The following HERC2 variants were observed in gnomAD, a reference collection of about 807,000 sequenced individuals.
The protein encoded by HERC2 is HECT and RLD domain containing E3 ubiquitin protein ligase 2, also known as E3 ubiquitin-protein ligase HERC2.
In HERC2, 102 loss-of-function variants were observed where a neutral mutation model predicts 537.7. That is an observed-to-expected ratio of 0.19 (90% CI 0.16 to 0.22). The LOEUF is 0.22. HERC2 is among the 10% of genes least tolerant of loss of function. The probability of loss-of-function intolerance (pLI) is 1.00; values close to 1 mark genes in which losing one functional copy is unlikely to be tolerated. For synonymous variants in HERC2, 2,224 were observed against 2,466.2 expected (o/e 0.90, Z 2.91); for missense variants, 4,236 against 6,198.2 (o/e 0.68, Z 10.63).
chr15:28,150,832 T>C (rs1013186848), intron 70 of HERC2, among the ~76,000 whole-genome samples: 1 of 151,990 alleles, frequency 6.6e-6, no homozygotes, highest in Non-Finnish European at 1.5e-5. Context: ...TTATCATACT[T>C]TCACAGAGGA....
chr15:28,310,903 C>T (rs1321100463), intron 2 of HERC2, among the ~76,000 whole-genome samples: 1 of 151,556 alleles, frequency 6.6e-6, no homozygotes, highest in African/African-American at 2.4e-5. Flanking sequence ...CAGCGAAACC[C>T]CATCTCTACT....
intron 44 of HERC2, among the ~76,000 whole-genome samples, chr15:28,206,969 C>G (rs574752833): frequency 1.3e-5 from 2 of 151,268 alleles, no homozygotes; most frequent in African/African-American, 2.4e-5. Context: ...CAATATCACA[C>G]CACCATACTC....
In HERC2 at chr15:28,118,492, T is replaced by C. The variant is rs1052181931; in HGVS notation, c.13273-1338A>G. 7.9e-5 allele frequency: 12 copies of C among 152,264 alleles called. No homozygotes were observed. The South Asian group carries it at 2.3e-3, about 29-fold the overall frequency. The allele number at this position is 152,264 out of a possible 1,614,324, so 9.4% of individuals were successfully genotyped here. On this transcript the variant is annotated intron_variant, in intron 86 of 92. Coordinates refer to ENST00000261609, the MANE Select transcript of HERC2 (RefSeq NM_004667.6). ...TTCAGAAATGTGCATGCAATAACTCTGTAATAAATTTTTAAGTATAAAAAA... is the reference window on the plus strand; with the variant it reads ...TTCAGAAATGTGCATGCAATAACTCCGTAATAAATTTTTAAGTATAAAAAA...
Position 28,160,081 on chromosome 15 carries a change from C to T in HERC2, c.10746+3013G>A, listed in dbSNP as rs137897453. 9.2e-3 allele frequency among the ~76,000 whole-genome samples: 1,401 copies of T among 152,296 alleles called. 9 individuals are homozygous for T. The highest frequency in any genetic ancestry group is 0.026 in the Admixed American group (394 of 15,292). On this transcript the variant is annotated intron_variant, in intron 69 of 92. Transcript: ENST00000261609. ...TGAACAGCAAATGTTGCTGTCTGAT[C>T]GTTCCTCTGGAAGTTTTGTCTCAGA...
chr15:28,276,336 G>A (rs139334721), intron 5 of HERC2, among the ~76,000 whole-genome samples: 173 of 152,142 alleles, frequency 1.1e-3, no homozygotes, highest in African/African-American at 3.7e-3. Context: ...ATAATGCACC[G>A]GGAGCTCAGA....
At chr15:28,292,230 C>CAA (rs34513876) in intron 4 of HERC2, among the ~76,000 whole-genome samples, 62 of 67,420 alleles carry the variant, frequency 9.2e-4, no homozygotes, top group African/African-American at 2.7e-3. Flanking sequence ...ACTCCATCTC[C>CAA]AAAAAAAAAA....
At chr15:28,290,734 G>A (rs1400623400) in intron 4 of HERC2, among the ~76,000 whole-genome samples, 1 of 152,118 alleles carries the variant, frequency 6.6e-6, no homozygotes, top group Non-Finnish European at 1.5e-5. Flanking sequence ...GAAATTAAAA[G>A]GGAAATTAGA....
Position 28,142,243 on chromosome 15 carries a change from C to G in HERC2, c.11695G>C (p.Asp3899His), listed in dbSNP as rs773927246. 4 of 1,613,874 alleles carry G rather than the reference C, an allele frequency of 2.5e-6. No individual in the cohort carries two copies. The highest frequency in any genetic ancestry group is 3.4e-6 in the Non-Finnish European group (4 of 1,179,944). The stretch of plus-strand genomic sequence containing the variant: ...TCCAAAATATCATGCAATACCTCAT[C>G]AAGAAACAGACGGGGCAACGGTGTT... ...KRTPLPRLFL[D>H]EVAKKIRELM... The change falls in exon 76 of 93, where the codon GAT (aspartate) becomes CAT (histidine). Residue 3899 changes from aspartate to histidine, a missense_variant. Asp to His is a moderately conservative substitution (Grantham distance 81). Transcript: ENST00000261609.
intron 4 of HERC2, among the ~76,000 whole-genome samples, chr15:28,285,752 G>C (rs2076139437): frequency 7.1e-6 from 1 of 141,764 alleles, no homozygotes; most frequent in Non-Finnish European, 1.5e-5. Context: ...GCAAAAAGCT[G>C]GTTCTTTGAT....
At chr15:28,205,150 A>T (rs1180552043) in intron 45 of HERC2, among the ~76,000 whole-genome samples, 1 of 152,048 alleles carries the variant, frequency 6.6e-6, no homozygotes, top group Non-Finnish European at 1.5e-5. Flanking sequence ...AAAAGAAGAG[A>T]ACAACAACTC....
In HERC2 at chr15:28,121,410, A is replaced by C; in HGVS notation, c.13208T>G (p.Val4403Gly). 1 of 1,614,172 alleles carries C rather than the reference A, an allele frequency of 6.2e-7. No homozygotes were observed. Residue 4403 changes from valine to glycine, a missense_variant, in exon 86 of 93, where the codon GTA (valine) becomes GGA (glycine). Val to Gly is a moderately radical substitution (Grantham distance 109, BLOSUM62 -3). Around this residue, in one of 27 missense-constraint regions of HERC2, gnomAD observed 189 missense variants for 255.7 expected, o/e 0.74. Transcript: ENST00000261609. ...SQGKEAAFRK[V>G]VQATMVRDRQ... ...ATCGCGTACCATAGTTGCTTGTACT[A>C]CTTTCCGGAAAGCCGCCTCCTAAAA...
In HERC2 at chr15:28,152,831, C is replaced by CT; in HGVS notation, c.10747-2dup. The stretch of plus-strand genomic sequence containing the variant: ...AGAGCTCCAACAGCATATCTGCCAC[C>CT]TGGAGAGGAAGCAAGGACATGAATG... On this transcript the variant is annotated splice_acceptor_variant, in intron 69 of 92. Transcript: ENST00000261609. LOFTEE classifies it high-confidence loss of function. The CT allele has an allele frequency of 6.4e-7, 1 of 1,561,940 alleles. No individual in the cohort carries two copies. Among genetic ancestry groups the CT allele is most frequent in the Non-Finnish European group, 8.7e-7 (1 of 1,152,458 alleles).
chr15:28,213,653 A>C, intron 42 of HERC2, 89 bp downstream of exon 42: 1 of 1,592,638 alleles, frequency 6.3e-7, no homozygotes, highest in Non-Finnish European at 8.6e-7. Context: ...TACCAGAATC[A>C]AGTTCTTTCA....
chr15:28,206,563 G>T (rs553832091), intron 44 of HERC2, among the ~76,000 whole-genome samples, 181 bp from the exon 45 acceptor site: 1 of 151,626 alleles, frequency 6.6e-6, no homozygotes, highest in African/African-American at 2.4e-5. Context: ...GTTGGGTGCG[G>T]TGGCTCACGC....
At chr15:28,130,390 G>C in intron 82 of HERC2, 88 bp from the exon 83 acceptor site, 2 of 1,598,464 alleles carry the variant, frequency 1.3e-6, no homozygotes, top group African/African-American at 2.7e-5. Context: ...CTGCTGTTCA[G>C]GACACAACCA....
At chr15:28,215,128 C>A (rs2140454473) in intron 39 of HERC2, among the ~76,000 whole-genome samples, 2 of 152,192 alleles carry the variant, frequency 1.3e-5, no homozygotes, top group African/African-American at 4.8e-5. Context: ...CCACCTGCCT[C>A]GGCCTCCCAA....
In HERC2 at chr15:28,182,409, C is replaced by T. The variant is rs778893516; in HGVS notation, c.8929G>A (p.Gly2977Ser). Residue 2977 changes from glycine to serine, a missense_variant, in exon 57 of 93, where the codon GGC becomes AGC. Coordinates refer to ENST00000261609, the MANE Select transcript of HERC2 (RefSeq NM_004667.6). ...NDKDQLGGLK[G>S]SKIKVPSFSE... Reference sequence around the variant, plus strand: ...CAGGGAGCAGGCCGTACCTTGGAGCCTTTCAGCCCGCCCAGCTGGTCCTTG... The same window carrying T: ...CAGGGAGCAGGCCGTACCTTGGAGCTTTTCAGCCCGCCCAGCTGGTCCTTG... 1 of 1,613,222 alleles carries T rather than the reference C, an allele frequency of 6.2e-7. No homozygotes were observed. The highest frequency in any genetic ancestry group is 8.5e-7 in the Non-Finnish European group (1 of 1,179,552).
At chr15:28,281,576 G>A (rs375724472) in intron 4 of HERC2, among the ~76,000 whole-genome samples, 10 of 152,196 alleles carry the variant, frequency 6.6e-5, no homozygotes, top group Admixed American at 5.2e-4. Context: ...GGCCTTAGAA[G>A]GCAGTAGAGA....
In HERC2 at chr15:28,274,380, C is replaced by G; in HGVS notation, c.711G>C (p.Glu237Asp). ...ESLDALRALP[E>D]ASLFDESTVS... is the part of the protein sequence containing the mutation. ...CGGTGCTCTCGTCAAAGAGCGAGGC[C>G]TCGGGAAGTGCTCGCAGGGCGTCCA... The change falls in exon 7 of 93, where the codon GAG becomes GAC. Residue 237 changes from glutamate (E) to aspartate (D), a missense_variant. Coordinates refer to ENST00000261609, the MANE Select transcript of HERC2 (RefSeq NM_004667.6). 1 of 1,614,154 alleles carries G rather than the reference C, an allele frequency of 6.2e-7. No homozygotes were observed. Among genetic ancestry groups the G allele is most frequent in the Non-Finnish European group, 8.5e-7 (1 of 1,179,994 alleles).
Sources: allele counts gnomAD v4.1 joint callset (sites outside exome capture counted in the v4.1 genomes callset), GRCh38; gene constraint gnomAD v4.1.1; regional missense constraint gnomAD v4.1.1; transcripts MANE v1.5; gene names NCBI Gene and HGNC (gene_info 2026-07-23, HGNC 2026-07-21).